LGR4: variants seen among roughly 807,000 people sequenced by gnomAD.
The protein encoded by LGR4 is leucine-rich repeat-containing G protein-coupled receptor 4.
Under a neutral mutation model 84.8 loss-of-function variants are expected in LGR4, and 44 were observed. The observed-to-expected ratio is 0.52, with a 90% CI of 0.41 to 0.67. The LOEUF (loss-of-function observed/expected upper bound fraction) is 0.67. Ranked by LOEUF, LGR4 falls within the 30% of genes least tolerant of loss-of-function variation. LGR4 has a pLI of 0.00. For synonymous variants in LGR4, 429 were observed against 434.3 expected, an observed-to-expected ratio of 0.99 and a Z score of 0.15; for missense variants, 1,032 against 1,131.4, an observed-to-expected ratio of 0.91 and a Z score of 1.26.
At chr11:27,401,268 C>T (rs889413307) in intron 2 of LGR4, among the ~76,000 whole-genome samples, 1 of 152,170 alleles carries the variant, frequency 6.6e-6, no homozygotes, top group Non-Finnish European at 1.5e-5. Context: ...CCATCTAGAA[C>T]TCTTCTACCT....
intron 2 of LGR4, among the ~76,000 whole-genome samples, chr11:27,406,007 C>T (rs1466257128): frequency 6.6e-6 from 1 of 152,150 alleles, no homozygotes; most frequent in Non-Finnish European, 1.5e-5. Flanking sequence ...TAGCCCTAAG[C>T]TCTGCGTATC....
At chr11:27,472,083 TCCC>T (rs200956245) in intron 1 of LGR4, 32 bp downstream of exon 1, 139 of 1,004,500 alleles carry the variant, frequency 1.4e-4, no homozygotes, top group Non-Finnish European at 1.7e-4. Flanking sequence ...CCCCGTTTCC[TCCC>T]CCCCCCTCGC....
At chr11:27,459,283 A>G (rs1297256290) in intron 1 of LGR4, among the ~76,000 whole-genome samples, 3 of 152,270 alleles carry the variant, frequency 2.0e-5, no homozygotes, top group East Asian at 1.9e-4. Context: ...ACCAGTCTAC[A>G]TGTCTGAAAA....
chr11:27,382,335 AT>A, intron 6 of LGR4, 79 bp from the exon 7 acceptor site: 1 of 898,392 alleles, frequency 1.1e-6, no homozygotes, highest in Non-Finnish European at 1.8e-6. Context: ...ACAGACAAGT[AT>A]TTTTTTAAAT....
intron 1 of LGR4, among the ~76,000 whole-genome samples, chr11:27,430,671 T>C (rs996309071): frequency 6.6e-6 from 1 of 152,040 alleles, no homozygotes; most frequent in African/African-American, 2.4e-5. Flanking sequence ...GCCATCACCA[T>C]CTCTCCCGGG....
chr11:27,431,566 G>A (rs940719974), intron 1 of LGR4, among the ~76,000 whole-genome samples: 32 of 152,162 alleles, frequency 2.1e-4, no homozygotes, highest in African/African-American at 7.7e-4. Context: ...ACGTTTAAAT[G>A]GTCTGCTGTT....
chr11:27,469,672 T>C (rs1346995762), intron 1 of LGR4, among the ~76,000 whole-genome samples: 2 of 152,222 alleles, frequency 1.3e-5, no homozygotes, highest in African/African-American at 4.8e-5. Flanking sequence ...CTTTTTAACT[T>C]CTACTTTCAT....
At chr11:27,437,971 G>A (rs1196259458) in intron 1 of LGR4, among the ~76,000 whole-genome samples, 2 of 151,874 alleles carry the variant, frequency 1.3e-5, no homozygotes, top group African/African-American at 2.4e-5. Context: ...AGCTATGATC[G>A]CTCCAGTGCA....
intron 2 of LGR4, among the ~76,000 whole-genome samples, chr11:27,412,123 C>T (rs1021886761): frequency 1.3e-5 from 2 of 151,962 alleles, no homozygotes; most frequent in African/African-American, 2.4e-5. Context: ...CCGAAAGTGC[C>T]TATTTTGATT....
chr11:27,400,062 T>C (rs946241290), intron 2 of LGR4, among the ~76,000 whole-genome samples: 2 of 152,190 alleles, frequency 1.3e-5, no homozygotes, highest in Non-Finnish European at 2.9e-5. Context: ...GCATCCCTAA[T>C]CTGAAAATGT....
At chr11:27,370,013 A>G (rs188889632) in intron 17 of LGR4, among the ~76,000 whole-genome samples, 1 of 152,348 alleles carries the variant, frequency 6.6e-6, no homozygotes, top group East Asian at 1.9e-4. Context: ...GCTGAACTCC[A>G]TGTTCCAGTA....
At chr11:27,450,465 C>A (rs571587752) in intron 1 of LGR4, among the ~76,000 whole-genome samples, 1 of 152,138 alleles carries the variant, frequency 6.6e-6, no homozygotes, top group Non-Finnish European at 1.5e-5. Flanking sequence ...AATGTTGTTG[C>A]TGTATAATAA....
rs1862764937 is a variant in LGR4 at position 27,366,339 on chromosome 11, A to G, written c.*1528T>C. ...CAACAAAGACTATTTACAATGCAAA[A>G]AGTATATAAACCACAATTTAACAGT... is the stretch of plus-strand genomic sequence containing the variant. On this transcript the variant is annotated 3_prime_UTR_variant, in exon 18 of 18. Coordinates refer to ENST00000379214, the MANE Select transcript of LGR4 (RefSeq NM_018490.5). 6.6e-6 allele frequency: 1 copy of G among 152,606 alleles called. No homozygotes were observed. Among genetic ancestry groups the G allele is most frequent in the Non-Finnish European group, 1.5e-5 (1 of 67,980 alleles). The allele number at this position is 152,606 out of a possible 1,614,324, so 9.5% of individuals were successfully genotyped here.
At chr11:27,394,382 A>AT (rs1239098977) in intron 2 of LGR4, among the ~76,000 whole-genome samples, 4 of 151,916 alleles carry the variant, frequency 2.6e-5, no homozygotes, top group African/African-American at 9.7e-5. Flanking sequence ...TTATCACTAC[A>AT]TTTTTTACTT....
intron 1 of LGR4, among the ~76,000 whole-genome samples, chr11:27,443,144 C>T (rs1254891878): frequency 6.6e-6 from 1 of 152,134 alleles, no homozygotes; most frequent in Non-Finnish European, 1.5e-5. Flanking sequence ...AATGGAAGGC[C>T]TAGAGTCTTA....
In LGR4 at chr11:27,467,581, A is replaced by AAAC. The variant is rs1554972056; in HGVS notation, c.185+4536_185+4537insGTT. 1.0e-4 allele frequency among the ~76,000 whole-genome samples: 15 copies of AAAC among 148,688 alleles called. 1 individual carries two copies. Among genetic ancestry groups the AAAC allele is most frequent in the Non-Finnish European group, 2.1e-4 (14 of 67,138 alleles). On this transcript the variant is annotated intron_variant, in intron 1 of 17. Transcript: ENST00000379214. ...GAGTCCGTCTCAAAAAAAAAAAAAA[A>AAAC]ATCAAATTAAATAGAGAACAACAAT...
At chr11:27,413,027 A>G (rs541890389) in intron 1 of LGR4, among the ~76,000 whole-genome samples, 167 bp from the exon 2 acceptor site, 1 of 152,134 alleles carries the variant, frequency 6.6e-6, no homozygotes, top group African/African-American at 2.4e-5. Context: ...AAACACAGAA[A>G]AGTTAAATGT....
intron 2 of LGR4, among the ~76,000 whole-genome samples, chr11:27,392,947 C>G (rs1863314960): frequency 6.6e-6 from 1 of 152,082 alleles, no homozygotes; most frequent in Non-Finnish European, 1.5e-5. Flanking sequence ...GGAAAGTCAG[C>G]CTGTTATCTC....
chr11:27,386,194 A>G (rs1040435002), intron 4 of LGR4, among the ~76,000 whole-genome samples: 3 of 152,212 alleles, frequency 2.0e-5, no homozygotes, highest in Non-Finnish European at 4.4e-5. Context: ...AATTTTTCCA[A>G]AAATTTTGGA....
Sources: gnomAD v4.1 joint callset for allele counts (sites outside exome capture counted in the v4.1 genomes callset) on GRCh38, gnomAD v4.1.1 for gene constraint, MANE v1.5 for transcripts, NCBI Gene and HGNC (gene_info 2026-07-23, HGNC 2026-07-21) for gene names.